The following TBCK variants were observed in gnomAD, a reference collection of about 807,000 sequenced individuals.
The protein encoded by TBCK is TBC domain-containing protein kinase-like protein.
In TBCK, 99 loss-of-function variants were observed where a neutral mutation model predicts 113.4. The observed-to-expected ratio is 0.87, with a 90% CI of 0.74 to 1.03. TBCK has a LOEUF of 1.03. TBCK is among the 50% of genes least tolerant of loss of function. The pLI is 0.00. For missense variants in TBCK, 1,045 were observed against 1,061.3 expected, an observed-to-expected ratio of 0.98 and a Z score of 0.21; for synonymous variants, 369 against 370.8, an observed-to-expected ratio of 1.00 and a Z score of 0.05.
At chr4:106,298,446 G>GAA (rs373114827) in intron 2 of TBCK, among the ~76,000 whole-genome samples, 3 of 139,120 alleles carry the variant, frequency 2.2e-5, no homozygotes, top group Non-Finnish European at 3.1e-5. Flanking sequence ...CTAAAAATAT[G>GAA]AAAAAAAAAA....
In TBCK at chr4:106,091,342, C is replaced by A. The variant is rs749661160; in HGVS notation, c.2571+4140G>T. 1.4e-4 allele frequency among the ~76,000 whole-genome samples: 21 copies of A among 152,334 alleles called. No homozygotes were observed. In the Middle Eastern group the frequency reaches 0.014, roughly 99 times the overall value. ...TCACTTATTACCATGGAGAGGACAT[C>A]AAGCCATTCACGAAGGATCTGCCCC... On this transcript the variant is annotated intron_variant, in intron 25 of 25. Coordinates refer to ENST00000394708, the MANE Select transcript of TBCK (RefSeq NM_001163435.3).
intron 20 of TBCK, among the ~76,000 whole-genome samples, chr4:106,208,910 C>T (rs2149874901): frequency 6.6e-6 from 1 of 152,300 alleles, no homozygotes; most frequent in African/African-American, 2.4e-5. Context: ...CAGACGCCGG[C>T]TCCCAAGGTG....
At position 106,291,920 on chromosome 4, in the gene TBCK, T is replaced by A. The variant is rs148606809; in HGVS notation, c.266+3174A>T. On this transcript the variant is annotated intron_variant, in intron 3 of 25. Coordinates refer to ENST00000394708, the MANE Select transcript of TBCK (RefSeq NM_001163435.3). ...CAATTCAGACTGATGAGTTGACCGA[T>A]GTTGACAACAATGCAACAATGCTTG... is the stretch of plus-strand genomic sequence containing the variant. Among the ~76,000 whole-genome samples the A allele has an allele frequency of 2.2e-3, 332 of 152,360 alleles. 2 individuals are homozygous for A. The highest frequency in any genetic ancestry group is 7.0e-3 in the African/African-American group (290 of 41,584).
chr4:106,274,424 T>C (rs1006494604), intron 3 of TBCK, among the ~76,000 whole-genome samples: 2 of 151,972 alleles, frequency 1.3e-5, no homozygotes, highest in African/African-American at 4.8e-5. Flanking sequence ...GTAGAAACAA[T>C]CCAAATGTCC....
intron 23 of TBCK, among the ~76,000 whole-genome samples, chr4:106,142,555 AT>A (rs1747256987): frequency 6.6e-6 from 1 of 152,166 alleles, no homozygotes; most frequent in African/African-American, 2.4e-5. Context: ...ACATACTAGG[AT>A]TTTAAAATCA....
At chr4:106,300,772 G>T (rs935677236) in intron 2 of TBCK, among the ~76,000 whole-genome samples, 1 of 152,026 alleles carries the variant, frequency 6.6e-6, no homozygotes, top group African/African-American at 2.4e-5. Flanking sequence ...GATAATCAGG[G>T]TAATCCTGAT....
At chr4:106,258,836 T>A (rs921926918) in intron 5 of TBCK, among the ~76,000 whole-genome samples, 1 of 151,880 alleles carries the variant, frequency 6.6e-6, no homozygotes, top group Non-Finnish European at 1.5e-5. Flanking sequence ...TATTCAACTA[T>A]AAGTTGAATA....
At chr4:106,288,232 A>G (rs1179536929) in intron 3 of TBCK, among the ~76,000 whole-genome samples, 1 of 152,066 alleles carries the variant, frequency 6.6e-6, no homozygotes, top group Non-Finnish European at 1.5e-5. Flanking sequence ...TGTCTGTACT[A>G]AAATACAAAA....
intron 19 of TBCK, among the ~76,000 whole-genome samples, chr4:106,220,406 C>T (rs1416679958): frequency 6.6e-6 from 1 of 152,156 alleles, no homozygotes; most frequent in Non-Finnish European, 1.5e-5. Context: ...AATTAAACCT[C>T]TCTTTTTTTT....
chr4:106,153,470 T>A (rs533125208), intron 23 of TBCK, among the ~76,000 whole-genome samples: 43 of 152,264 alleles, frequency 2.8e-4, no homozygotes, highest in Non-Finnish European at 2.6e-4. Context: ...CTTAAACATA[T>A]GGTCTATCTC....
At chr4:106,136,947 G>T (rs2149639759) in intron 23 of TBCK, among the ~76,000 whole-genome samples, 1 of 141,516 alleles carries the variant, frequency 7.1e-6, no homozygotes, top group South Asian at 2.4e-4. Context: ...AAATATACAG[G>T]AGTTAAAGGT....
intron 3 of TBCK, among the ~76,000 whole-genome samples, chr4:106,267,354 C>T (rs1763082933): frequency 6.6e-6 from 1 of 151,788 alleles, no homozygotes; most frequent in African/African-American, 2.4e-5. Flanking sequence ...TAAAACATAT[C>T]AATTGAGTGG....
chr4:106,309,303 CTCT>C (rs1561004924), intron 1 of TBCK, among the ~76,000 whole-genome samples: 4 of 130,050 alleles, frequency 3.1e-5, no homozygotes, highest in Non-Finnish European at 6.4e-5. Context: ...TAAGGCTCTT[CTCT>C]TTTTTTTTTT....
At chr4:106,191,758 A>G (rs983123165) in intron 22 of TBCK, among the ~76,000 whole-genome samples, 1 of 152,204 alleles carries the variant, frequency 6.6e-6, no homozygotes, top group Non-Finnish European at 1.5e-5. Context: ...TTGCAGTAAG[A>G]GCAATTAAGC....
At chr4:106,177,867 G>A (rs1751874550) in intron 22 of TBCK, among the ~76,000 whole-genome samples, 1 of 151,844 alleles carries the variant, frequency 6.6e-6, no homozygotes. Context: ...TGTTAAGAGT[G>A]TCATTGGTAT....
chr4:106,193,909 T>C lies in TBCK; in HGVS notation c.1898-139A>G, dbSNP rs545197584. The C allele has an allele frequency of 4.4e-5, 25 of 562,084 alleles. No homozygotes were observed. In the South Asian group the frequency reaches 8.8e-4, roughly 20 times the overall value. The allele number at this position is 562,084 out of a possible 1,614,324, so 34.8% of individuals were successfully genotyped here. A position where few individuals can be genotyped will look rare whatever the true frequency, so the allele number is the denominator to read the frequency against. Reference sequence around the variant, plus strand: ...AGAGCTAATACTACCAAACTCTTTTTATGAAATGTTTATTTGGCTTTGAAA... The same window carrying C: ...AGAGCTAATACTACCAAACTCTTTTCATGAAATGTTTATTTGGCTTTGAAA... On this transcript the variant is annotated intron_variant, in intron 21 of 25. Coordinates refer to ENST00000394708, the MANE Select transcript of TBCK (RefSeq NM_001163435.3).
chr4:106,189,340 C>T, intron 22 of TBCK, among the ~76,000 whole-genome samples: 1 of 129,512 alleles, frequency 7.7e-6, no homozygotes, highest in South Asian at 2.5e-4. Flanking sequence ...GAGACTCCAT[C>T]TCAAAAAAAA....
intron 25 of TBCK, among the ~76,000 whole-genome samples, chr4:106,061,552 T>G (rs1390811484): frequency 6.6e-6 from 1 of 151,558 alleles, no homozygotes; most frequent in East Asian, 1.9e-4. Context: ...AAACCACTTT[T>G]ATATGCACTG....
chr4:106,104,622 A>G (rs1242129861), intron 24 of TBCK, among the ~76,000 whole-genome samples: 2 of 152,070 alleles, frequency 1.3e-5, no homozygotes, highest in African/African-American at 4.8e-5. Flanking sequence ...CACAGCATAG[A>G]TGCTCTACCA....
Sources: allele counts gnomAD v4.1 joint callset (sites outside exome capture counted in the v4.1 genomes callset), GRCh38; gene constraint gnomAD v4.1.1; transcripts MANE v1.5; gene names NCBI Gene and HGNC (gene_info 2026-07-23, HGNC 2026-07-21).